AGBL4: variants seen among roughly 807,000 people sequenced by gnomAD.
AGBL4 encodes cytosolic carboxypeptidase 6.
A neutral mutation model predicts 66.4 loss-of-function variants in AGBL4; 58 were observed. The observed-to-expected ratio is 0.87, with a 90% CI of 0.71 to 1.09. AGBL4 has a LOEUF of 1.09. Among genes scored for constraint, AGBL4 ranks in the 50% least tolerant of loss-of-function variants. The pLI, the probability that AGBL4 is intolerant of heterozygous loss-of-function variation, is 0.00. For missense variants in AGBL4, 579 were observed against 631.0 expected (o/e 0.92, Z 0.88); for synonymous variants, 234 against 222.9 (o/e 1.05, Z -0.44).
chr1:48,608,005 C>T (rs1183032518), intron 9 of AGBL4, among the ~76,000 whole-genome samples: 1 of 152,186 alleles, frequency 6.6e-6, no homozygotes, highest in Non-Finnish European at 1.5e-5. Flanking sequence ...AGTGGCAGAA[C>T]AGGACTTATT....
intron 3 of AGBL4, among the ~76,000 whole-genome samples, chr1:49,642,491 G>T (rs959975438): frequency 6.6e-5 from 10 of 151,966 alleles, no homozygotes; most frequent in African/African-American, 1.9e-4. Flanking sequence ...CACACTACTT[G>T]AGGGGAAAGA....
At chr1:49,371,516 C>T (rs1644345220) in intron 3 of AGBL4, among the ~76,000 whole-genome samples, 2 of 152,092 alleles carry the variant, frequency 1.3e-5, no homozygotes, top group African/African-American at 4.8e-5. Flanking sequence ...GTGCAGTAAA[C>T]TCATTTAATC....
chr1:49,902,619 C>T (rs551296601), intron 1 of AGBL4, among the ~76,000 whole-genome samples: 4 of 152,116 alleles, frequency 2.6e-5, no homozygotes, highest in Middle Eastern at 3.4e-3. Flanking sequence ...TGGTGGCACA[C>T]GCCTGTAATC....
intron 3 of AGBL4, among the ~76,000 whole-genome samples, chr1:49,500,117 T>C (rs1233768958): frequency 4.6e-5 from 7 of 152,250 alleles, no homozygotes; most frequent in African/African-American, 1.7e-4. Flanking sequence ...AGCATTTTCC[T>C]GATTATTAGT....
At chr1:49,727,062 G>A (rs1477902850) in intron 2 of AGBL4, among the ~76,000 whole-genome samples, 1 of 152,088 alleles carries the variant, frequency 6.6e-6, no homozygotes, top group East Asian at 1.9e-4. Flanking sequence ...ATCAGTAGAG[G>A]AAGTGGATAA....
intron 1 of AGBL4, among the ~76,000 whole-genome samples, chr1:49,859,035 G>A (rs1056027061): frequency 1.3e-5 from 2 of 151,680 alleles, no homozygotes; most frequent in Non-Finnish European, 1.5e-5. Context: ...AAAAGAAAAT[G>A]CACGAAAGAA....
intron 2 of AGBL4, among the ~76,000 whole-genome samples, chr1:49,786,285 A>C (rs934481620): frequency 6.6e-6 from 1 of 152,168 alleles, no homozygotes; most frequent in Non-Finnish European, 1.5e-5. Flanking sequence ...TTAACATTTT[A>C]TCTTACGGTT....
chr1:49,074,056 AAGCCTC>A (rs1236124895), intron 4 of AGBL4, among the ~76,000 whole-genome samples: 1 of 152,080 alleles, frequency 6.6e-6, no homozygotes, highest in African/African-American at 2.4e-5. Context: ...CTGCCTACTC[AAGCCTC>A]AGCAATGGCG....
At chr1:48,594,769 C>T (rs961440167) in intron 9 of AGBL4, among the ~76,000 whole-genome samples, 1 of 152,154 alleles carries the variant, frequency 6.6e-6, no homozygotes, top group Non-Finnish European at 1.5e-5. Context: ...CTCTTCCCCA[C>T]TGACATTTCT....
At chr1:49,875,145 CTATTAT>C (rs965373261) in intron 1 of AGBL4, among the ~76,000 whole-genome samples, 63 of 139,642 alleles carry the variant, frequency 4.5e-4, no homozygotes, top group African/African-American at 1.5e-3. Flanking sequence ...TTTATTATTA[CTATTAT>C]TATTATTATT....
At chr1:48,561,703 C>G (rs79937943) in intron 11 of AGBL4, among the ~76,000 whole-genome samples, 6,479 of 152,252 alleles carry the variant, frequency 0.043, 204 homozygotes, top group East Asian at 0.1. Flanking sequence ...CTCCTGACTA[C>G]TTGAGCTGGG....
At chr1:49,889,274 G>C (rs1166029376) in intron 1 of AGBL4, among the ~76,000 whole-genome samples, 1 of 152,114 alleles carries the variant, frequency 6.6e-6, no homozygotes, top group East Asian at 1.9e-4. Context: ...AGGAGTTCAA[G>C]GATTCAGGGA....
At chr1:50,007,087 TG>T (rs1661183129) in intron 1 of AGBL4, among the ~76,000 whole-genome samples, 1 of 152,092 alleles carries the variant, frequency 6.6e-6, no homozygotes, top group Non-Finnish European at 1.5e-5. Context: ...AGACTTAAAA[TG>T]TAGAGTTTTT....
At chr1:48,987,063 A>G (rs898916682) in intron 5 of AGBL4, among the ~76,000 whole-genome samples, 4 of 151,942 alleles carry the variant, frequency 2.6e-5, no homozygotes, top group Non-Finnish European at 5.9e-5. Context: ...AACCGTAAAC[A>G]TATTCAAAGA....
intron 3 of AGBL4, among the ~76,000 whole-genome samples, chr1:49,640,669 G>T (rs1645763209): frequency 6.6e-6 from 1 of 152,222 alleles, no homozygotes; most frequent in Middle Eastern, 3.4e-3. Flanking sequence ...TTTACTCCAG[G>T]GATTTGCCTA....
At chr1:49,287,735 G>C (rs1313499469) in intron 3 of AGBL4, among the ~76,000 whole-genome samples, 3 of 149,114 alleles carry the variant, frequency 2.0e-5, no homozygotes, top group African/African-American at 7.4e-5. Context: ...AGAGGATGTG[G>C]AGAAATAGGA....
At chr1:49,378,755 T>C (rs965049751) in intron 3 of AGBL4, among the ~76,000 whole-genome samples, 1 of 152,090 alleles carries the variant, frequency 6.6e-6, no homozygotes, top group Non-Finnish European at 1.5e-5. Context: ...TCAGAGAAAG[T>C]TTCAGCCAGG....
intron 4 of AGBL4, among the ~76,000 whole-genome samples, chr1:49,208,500 G>T (rs1648414719): frequency 6.6e-6 from 1 of 151,978 alleles, no homozygotes; most frequent in African/African-American, 2.4e-5. Context: ...GAAGTTCAAG[G>T]AATTCAAAAT....
At chr1:48,576,083 C>G (rs34928314) in intron 11 of AGBL4, among the ~76,000 whole-genome samples, 27,114 of 152,108 alleles carry the variant, frequency 0.18, 2,925 homozygotes, top group African/African-American at 0.29. Context: ...GGTCCTCAAG[C>G]CCCTGGCCAT....
Sources: gnomAD v4.1 joint callset for allele counts (sites outside exome capture counted in the v4.1 genomes callset) on GRCh38, gnomAD v4.1.1 for gene constraint, MANE v1.5 for transcripts, NCBI Gene and HGNC (gene_info 2026-07-23, HGNC 2026-07-21) for gene names.